The following DHX9 variants were observed in gnomAD, a reference collection of about 807,000 sequenced individuals.
DHX9 encodes ATP-dependent RNA helicase A.
Under a neutral mutation model 148.7 loss-of-function variants are expected in DHX9, and 27 were observed. That is an observed-to-expected ratio of 0.18 (90% CI 0.13 to 0.25). The LOEUF (loss-of-function observed/expected upper bound fraction) is 0.25. DHX9 is among the 10% of genes least tolerant of loss of function. The pLI is 1.00. For synonymous variants in DHX9, 529 were observed against 516.6 expected, an observed-to-expected ratio of 1.02 and a Z score of -0.33; for missense variants, 796 against 1,559.6, an observed-to-expected ratio of 0.51 and a Z score of 8.25.
intron 12 of DHX9, among the ~76,000 whole-genome samples, chr1:182,863,498 C>G (rs892110123): frequency 2.6e-5 from 4 of 151,904 alleles, no homozygotes; most frequent in African/African-American, 9.7e-5. Context: ...GTATATATTC[C>G]TTATAATAGA....
intron 22 of DHX9, 102 bp downstream of exon 22, chr1:182,880,710 T>A (rs550240005): frequency 1.0e-5 from 7 of 693,926 alleles, no homozygotes; most frequent in African/African-American, 1.9e-5. Flanking sequence ...AAAAAAAAAA[T>A]CCTAAATGTT....
chr1:182,859,096 A>G lies in DHX9; in HGVS notation c.1119A>G (p.Glu373=). Residue 373 remains glutamate (E), a synonymous_variant, in exon 11 of 28, where the codon GAA becomes GAG. Transcript: ENST00000367549. ...AGAATGAATTGATGTACCAGTTGGA[A>G]CAGGATCATGATTTGCAAGCAGTAA... is the stretch of plus-strand genomic sequence containing the variant. ...DLKNELMYQL[E]QDHDLQAILQ... is the part of the protein sequence containing the mutation. The G allele has an allele frequency of 1.9e-6, 3 of 1,614,134 alleles. No homozygotes were observed. The highest frequency in any genetic ancestry group is 1.1e-5 in the South Asian group (1 of 91,072).
At chr1:182,861,180 T>G (rs1668357093) in intron 12 of DHX9, among the ~76,000 whole-genome samples, 2 of 152,180 alleles carry the variant, frequency 1.3e-5, no homozygotes, top group African/African-American at 4.8e-5. Flanking sequence ...TATGTGAGAA[T>G]TGGGTTTTCT....
intron 1 of DHX9, among the ~76,000 whole-genome samples, chr1:182,842,269 C>A (rs1667946693): frequency 6.6e-6 from 1 of 152,228 alleles, no homozygotes; most frequent in East Asian, 1.9e-4. Flanking sequence ...AGATAAAAAT[C>A]ACTCTTAGTC....
At chr1:182,883,010 GT>G (rs753704759) in intron 24 of DHX9, 128 bp from the exon 25 acceptor site, 16 of 642,536 alleles carry the variant, frequency 2.5e-5, no homozygotes, top group African/African-American at 2.0e-4. Context: ...AGAAGAGAAA[GT>G]TTTACAGACA....
In DHX9 at chr1:182,858,723, T is replaced by G. The variant is rs532132332; in HGVS notation, c.901-10T>G. ...CATATTTTTTGTTTGTTTTTCTTATTTTTTAATAGCCTGAAGATCCTTCTG... is the reference window on the plus strand; with the variant it reads ...CATATTTTTTGTTTGTTTTTCTTATGTTTTAATAGCCTGAAGATCCTTCTG... On this transcript the variant is annotated splice_polypyrimidine_tract_variant and intron_variant, in intron 9 of 27. Transcript: ENST00000367549. 13 of 1,613,528 alleles carry G rather than the reference T, an allele frequency of 8.1e-6. No homozygotes were observed. In the South Asian group the frequency reaches 1.4e-4, roughly 18 times the overall value.
At chr1:182,866,072 C>G (rs532142892) in intron 12 of DHX9, among the ~76,000 whole-genome samples, 32 of 152,270 alleles carry the variant, frequency 2.1e-4, no homozygotes, top group African/African-American at 7.7e-4. Flanking sequence ...GCAAAGAAGG[C>G]AGTTGTTCAC....
intron 14 of DHX9, among the ~76,000 whole-genome samples, chr1:182,869,243 G>A (rs569386752): frequency 8.5e-5 from 13 of 152,280 alleles, no homozygotes; most frequent in Middle Eastern, 3.4e-3. Flanking sequence ...AACCTTGTCC[G>A]GTATTGTTTG....
At chr1:182,868,519 C>CTTTTTTTTTTTTTT (rs1557974014) in intron 14 of DHX9, among the ~76,000 whole-genome samples, 3 of 118,698 alleles carry the variant, frequency 2.5e-5, no homozygotes, top group African/African-American at 1.6e-4. Flanking sequence ...TATTTTAATT[C>CTTTTTTTTTTTTTT]CTTTTTTTTT....
At chr1:182,871,632 T>C (rs543723164) in intron 14 of DHX9, among the ~76,000 whole-genome samples, 3 of 152,280 alleles carry the variant, frequency 2.0e-5, no homozygotes, top group East Asian at 1.9e-4. Flanking sequence ...AAGCCAGATA[T>C]GTGTAAGAGT....
chr1:182,862,303 A>G (rs568243102), intron 12 of DHX9, among the ~76,000 whole-genome samples: 1 of 152,344 alleles, frequency 6.6e-6, no homozygotes, highest in African/African-American at 2.4e-5. Flanking sequence ...AGCTCAAACC[A>G]TGACATCAGC....
intron 6 of DHX9, 60 bp downstream of exon 6, chr1:182,854,238 GT>G: frequency 2.1e-6 from 3 of 1,427,722 alleles, no homozygotes; most frequent in Non-Finnish European, 2.8e-6. Context: ...GATATTCACT[GT>G]TGAATATAAT....
At position 182,884,629 on chromosome 1, in the gene DHX9, T is replaced by C. The variant is rs773381253; in HGVS notation, c.3277T>C (p.Ser1093Pro). 1 of 1,614,186 alleles carries C rather than the reference T, an allele frequency of 6.2e-7. No homozygotes were observed. Among genetic ancestry groups the C allele is most frequent in the Non-Finnish European group, 8.5e-7 (1 of 1,180,032 alleles). Residue 1093 changes from serine to proline, a missense_variant, in exon 27 of 28, where the codon TCT becomes CCT. Ser to Pro is a moderately conservative substitution (Grantham distance 74, BLOSUM62 -1). Transcript: ENST00000367549. ...LVDDWIKLQISHEAAACITGL... is the reference protein window; with the variant it reads ...LVDDWIKLQIPHEAAACITGL... ...CCACTTTAGGATTAAACTGCAAATA[T>C]CTCATGAAGCTGCTGCCTGTATCAC...
At position 182,874,970 on chromosome 1, in the gene DHX9, G is replaced by C. The variant is rs779765269; in HGVS notation, c.1815+16G>C. ...GGATGATGATGTAAGTGAATTTCAT[G>C]AAGAATTTCCATTATGGGCAAATTG... On this transcript the variant is annotated intron_variant, in intron 16 of 27. Transcript: ENST00000367549. The C allele has an allele frequency of 3.1e-6, 5 of 1,594,236 alleles. No individual in the cohort carries two copies. Among genetic ancestry groups the C allele is most frequent in the Non-Finnish European group, 4.3e-6 (5 of 1,162,530 alleles).
intron 20 of DHX9, 131 bp from the exon 21 acceptor site, chr1:182,879,119 C>G: frequency 1.5e-6 from 1 of 684,948 alleles, no homozygotes; most frequent in East Asian, 2.9e-5. Context: ...GATAAAAGGT[C>G]CGATGGTAAT....
At chr1:182,879,932 C>T (rs1039553792) in intron 21 of DHX9, among the ~76,000 whole-genome samples, 6 of 152,154 alleles carry the variant, frequency 3.9e-5, no homozygotes, top group Non-Finnish European at 7.3e-5. Context: ...CCATGTTGGC[C>T]AGGCTCTTCT....
intron 11 of DHX9, among the ~76,000 whole-genome samples, chr1:182,859,733 G>A (rs558264063): frequency 5.9e-5 from 9 of 151,782 alleles, no homozygotes; most frequent in Non-Finnish European, 1.2e-4. Flanking sequence ...CTGCCTCAGC[G>A]TCCCAAGTAG....
intron 11 of DHX9, 25 bp from the exon 12 acceptor site, chr1:182,859,968 C>G: frequency 6.3e-7 from 1 of 1,590,730 alleles, no homozygotes; most frequent in Non-Finnish European, 8.6e-7. Flanking sequence ...AGACATTTGA[C>G]TGAAGTGTGA....
intron 14 of DHX9, among the ~76,000 whole-genome samples, chr1:182,870,715 TA>T (rs2102611489): frequency 6.6e-6 from 1 of 152,286 alleles, no homozygotes; most frequent in African/African-American, 2.4e-5. Context: ...GTAGAAAATA[TA>T]AAAATATAAA....
Sources: gnomAD v4.1 joint callset for allele counts (sites outside exome capture counted in the v4.1 genomes callset) on GRCh38, gnomAD v4.1.1 for gene constraint, MANE v1.5 for transcripts, NCBI Gene and HGNC (gene_info 2026-07-23, HGNC 2026-07-21) for gene names.